Variants in FGFR1 observed in about 807,000 individuals in gnomAD.
FGFR1 encodes the protein fibroblast growth factor receptor 1, also known as FGFR1/PLAG1 fusion.
In FGFR1, 18 loss-of-function variants were observed where a neutral mutation model predicts 93.7. The observed-to-expected ratio is 0.19, with a 90% confidence interval of 0.13 to 0.28. FGFR1 has a LOEUF of 0.28. FGFR1 is among the 10% of genes least tolerant of loss of function. The pLI, the probability that FGFR1 is intolerant of heterozygous loss-of-function variation, is 1.00. For missense variants in FGFR1, 731 were observed against 1,080.4 expected, an observed-to-expected ratio of 0.68 and a Z score of 4.53; for synonymous variants, 448 against 429.3, an observed-to-expected ratio of 1.04 and a Z score of -0.54.
At position 38,426,517 on chromosome 8, in the gene FGFR1, A is replaced by G. The variant is rs1820821082; in HGVS notation, c.622-272T>C. On this transcript the variant is annotated intron_variant, in intron 5 of 17. Coordinates refer to ENST00000447712, the MANE Select transcript of FGFR1 (RefSeq NM_023110.3). The surrounding 1 kb of genome is among the most constrained non-coding windows in gnomAD (Gnocchi z 4.1). Reference sequence around the variant, plus strand: ...CCGGACAGATGTGCCTTCTGCAAACACTCCCAAATACACCAAGAATGTTCC... The same window carrying G: ...CCGGACAGATGTGCCTTCTGCAAACGCTCCCAAATACACCAAGAATGTTCC... 3.3e-5 allele frequency among the ~76,000 whole-genome samples: 5 copies of G among 151,924 alleles called. No individual in the cohort carries two copies. The South Asian group carries it at 8.3e-4, about 25-fold the overall frequency.
intron 1 of FGFR1, among the ~76,000 whole-genome samples, chr8:38,459,580 C>CTATA (rs957214171): frequency 1.3e-5 from 2 of 152,174 alleles, no homozygotes; most frequent in African/African-American, 4.8e-5. Flanking sequence ...TAATTTAGAA[C>CTATA]TATAGTGAGG....
intron 2 of FGFR1, among the ~76,000 whole-genome samples, chr8:38,446,229 A>T (rs72630647): frequency 0.16 from 18,932 of 119,392 alleles, 1,321 homozygotes; most frequent in Non-Finnish European, 0.17. Context: ...TTTTTTTTTT[A>T]AAGAGGAAGT....
intron 9 of FGFR1, 88 bp from the exon 10 acceptor site, chr8:38,418,461 C>T (rs561437585): frequency 1.4e-6 from 2 of 1,439,274 alleles, no homozygotes; most frequent in Non-Finnish European, 1.9e-6. Context: ...CCAACAATGG[C>T]AGAGGCACAT....
chr8:38,438,559 AG>A (rs1826231158), intron 2 of FGFR1, among the ~76,000 whole-genome samples: 2 of 151,280 alleles, frequency 1.3e-5, no homozygotes, highest in South Asian at 2.1e-4. Context: ...AAAAAAAAAA[AG>A]GAATTATTAT....
At chr8:38,421,689 C>G (rs1210801096) in intron 8 of FGFR1, 108 bp downstream of exon 8, 1 of 1,194,930 alleles carries the variant, frequency 8.4e-7, no homozygotes, top group Non-Finnish European at 1.2e-6. Flanking sequence ...GGCAGGAGCC[C>G]ATTCTTCCAG....
At chr8:38,455,374 G>A (rs796737290) in intron 2 of FGFR1, among the ~76,000 whole-genome samples, 2 of 152,242 alleles carry the variant, frequency 1.3e-5, no homozygotes, top group African/African-American at 4.8e-5. Flanking sequence ...TCTGCCTCCC[G>A]GGTTCACGCC....
At chr8:38,443,711 A>T (rs953456643) in intron 2 of FGFR1, among the ~76,000 whole-genome samples, 26 of 151,910 alleles carry the variant, frequency 1.7e-4, no homozygotes, top group Admixed American at 5.9e-4. Flanking sequence ...AAAAAATAAA[A>T]ATAGTTAAAA....
intron 2 of FGFR1, among the ~76,000 whole-genome samples, chr8:38,433,677 C>T (rs529598669): frequency 5.3e-5 from 8 of 152,284 alleles, no homozygotes; most frequent in Admixed American, 2.6e-4. Context: ...ATATCAATGT[C>T]TCATCTCTAA....
At chr8:38,465,596 C>T (rs1835318373) in intron 1 of FGFR1, 1 of 226,308 alleles carries the variant, frequency 4.4e-6, no homozygotes, top group Non-Finnish European at 8.8e-6. Context: ...GTAAACAAGT[C>T]ATTAGGGAGG....
chr8:38,421,653 G>C (rs1818821987), intron 8 of FGFR1, 144 bp downstream of exon 8: 1 of 881,770 alleles, frequency 1.1e-6, no homozygotes, highest in African/African-American at 1.6e-5. Context: ...AGCCCTCAAA[G>C]CTGGGGCAGG....
At chr8:38,415,441 G>A (rs965237428) in intron 13 of FGFR1, among the ~76,000 whole-genome samples, 2 of 151,080 alleles carry the variant, frequency 1.3e-5, no homozygotes, top group East Asian at 1.9e-4. Flanking sequence ...CTATCGGCAC[G>A]CACTACCACA....
Position 38,424,674 on chromosome 8 carries a change from C to T in FGFR1, c.771G>A (p.Leu257=). The T allele has an allele frequency of 6.2e-7, 1 of 1,612,134 alleles. No individual in the cohort carries two copies. Among genetic ancestry groups the T allele is most frequent in the Middle Eastern group, 1.7e-4 (1 of 6,052 alleles). The change falls in exon 7 of 18, where the codon CTG becomes CTA. Residue 257 remains leucine (L), a synonymous_variant. Coordinates refer to ENST00000447712, the MANE Select transcript of FGFR1 (RefSeq NM_023110.3). The surrounding 1 kb of genome is among the most constrained non-coding windows in gnomAD (Gnocchi z 4.3). ...VVERSPHRPI[L]QAGLPANKTV... Reference sequence around the variant, plus strand: ...TTTTGTTGGCGGGCAACCCTGCTTGCAGGATGGGCCGGTGAGGGGACCGCT... The same window carrying T: ...TTTTGTTGGCGGGCAACCCTGCTTGTAGGATGGGCCGGTGAGGGGACCGCT...
rs138321803 is a variant in FGFR1 at position 38,449,685 on chromosome 8, C to T, written c.91+7671G>A. Among the ~76,000 whole-genome samples the T allele has an allele frequency of 7.6e-4, 116 of 152,354 alleles. 1 individual carries two copies. The East Asian group carries it at 0.02, about 26-fold the overall frequency. On this transcript the variant is annotated intron_variant, in intron 2 of 17. Coordinates refer to ENST00000447712, the MANE Select transcript of FGFR1 (RefSeq NM_023110.3). Reference sequence around the variant, plus strand: ...ACCCCACCTTTTACACAACCCATCCCGGGAGGCTCAGCCACGCCACAGCAT... The same window carrying T: ...ACCCCACCTTTTACACAACCCATCCTGGGAGGCTCAGCCACGCCACAGCAT...
rs538962279 is a variant in FGFR1, at chr8:38,441,879, C to T, written c.92-11931G>A. Among the ~76,000 whole-genome samples, 5 of 152,250 alleles carry T rather than the reference C, an allele frequency of 3.3e-5. No individual in the cohort carries two copies. The South Asian group carries it at 1.0e-3, about 32-fold the overall frequency. On this transcript the variant is annotated intron_variant, in intron 2 of 17. Transcript: ENST00000447712. ...CAACTTGCAAATGGAAAGAGCCATC[C>T]CCAATGAAGACTGAAAAATGAGAGG...
chr8:38,455,224 C>T (rs1018526720), intron 2 of FGFR1, among the ~76,000 whole-genome samples: 1 of 152,178 alleles, frequency 6.6e-6, no homozygotes, highest in Non-Finnish European at 1.5e-5. Context: ...AATCCTCCTG[C>T]CTCGGCTTCC....
At chr8:38,459,820 G>A (rs922376200) in intron 1 of FGFR1, among the ~76,000 whole-genome samples, 3 of 152,150 alleles carry the variant, frequency 2.0e-5, no homozygotes, top group Admixed American at 6.5e-5. Flanking sequence ...TCCAAACCAA[G>A]TAGATAAGGG....
intron 3 of FGFR1, chr8:38,428,811 G>C: frequency 2.8e-6 from 1 of 355,848 alleles, no homozygotes; most frequent in South Asian, 2.4e-5. Flanking sequence ...GGAAACCCAG[G>C]CAGGTCTAGA....
chr8:38,419,978 C>T, intron 8 of FGFR1: 1 of 532,024 alleles, frequency 1.9e-6, no homozygotes, highest in African/African-American at 1.9e-5. Flanking sequence ...CATCGTGCTA[C>T]ACAAGCCCCA....
At chr8:38,440,366 C>A (rs1826974963) in intron 2 of FGFR1, 1 of 1,598,452 alleles carries the variant, frequency 6.3e-7, no homozygotes, top group Non-Finnish European at 8.5e-7. Context: ...CGGGTCACAG[C>A]TGCCATCCTA....
Sources: gnomAD v4.1 joint callset for allele counts (sites outside exome capture counted in the v4.1 genomes callset) on GRCh38, gnomAD v4.1.1 for gene constraint, Gnocchi (gnomAD v3.1) non-coding constraint, MANE v1.5 for transcripts, NCBI Gene and HGNC (gene_info 2026-07-23, HGNC 2026-07-21) for gene names.